TMEM141: variants seen among roughly 807,000 people sequenced by gnomAD.
TMEM141 encodes transmembrane protein 141.
In TMEM141, 18 loss-of-function variants were observed where a neutral mutation model predicts 15.9. The ratio of observed to expected loss-of-function variants is 1.13; its 90% CI spans 0.78 to 1.68. TMEM141 has a LOEUF of 1.68. Ranked by LOEUF, TMEM141 falls within the 40% of genes most tolerant of loss-of-function variation. The pLI, the probability that TMEM141 is intolerant of heterozygous loss-of-function variation, is 0.00. For synonymous variants in TMEM141, 69 were observed against 54.0 expected, an observed-to-expected ratio of 1.28 and a Z score of -1.22; for missense variants, 161 against 139.5, an observed-to-expected ratio of 1.15 and a Z score of -0.78.
At chr9:136,792,072 G>A (rs1236108857) in intron 3 of TMEM141, 42 bp downstream of exon 3, 1 of 1,610,212 alleles carries the variant, frequency 6.2e-7, no homozygotes, top group Admixed American at 1.7e-5. Context: ...TTGAGGGGTG[G>A]GTTTCTGCTA....
intron 4 of TMEM141, 63 bp downstream of exon 4, chr9:136,792,421 C>A: frequency 7.2e-7 from 1 of 1,397,582 alleles, no homozygotes; most frequent in Non-Finnish European, 9.9e-7. Context: ...GAGTTTTGGG[C>A]AGCCAAGCCT....
chr9:136,791,729 G>T lies in TMEM141; in HGVS notation c.73G>T (p.Ala25Ser), dbSNP rs1396611987. ...ACCCCAGGGACTCGGGGAGTATGCCGCATGCCAGTCACACGCCTTCATGAA... is the reference window on the plus strand; with the variant it reads ...ACCCCAGGGACTCGGGGAGTATGCCTCATGCCAGTCACACGCCTTCATGAA... Reference protein sequence around the residue: ...AKHPGLGEYAACQSHAFMKGV... With the variant: ...AKHPGLGEYASCQSHAFMKGV... The change falls in exon 2 of 5, where the codon GCA (alanine) becomes TCA (serine). Residue 25 changes from alanine to serine, a missense_variant. By Grantham distance (99) the Ala-to-Ser change is moderately conservative (BLOSUM62 1). Coordinates refer to ENST00000290079, the MANE Select transcript of TMEM141 (RefSeq NM_032928.4). 10 of 1,613,192 alleles carry T rather than the reference G, an allele frequency of 6.2e-6. No individual in the cohort carries two copies. Among genetic ancestry groups the T allele is most frequent in the African/African-American group, 2.7e-5 (2 of 74,914 alleles).
At chr9:136,791,482 CG>C (rs1380307251) in intron 1 of TMEM141, 58 bp downstream of exon 1, 1 of 1,547,746 alleles carries the variant, frequency 6.5e-7, no homozygotes, top group South Asian at 1.2e-5. Flanking sequence ...CTGAGCGAGG[CG>C]GGGGGCCGGG....
rs1847595636 is a variant in TMEM141 at position 136,792,001 on chromosome 9, C to T, written c.176C>T (p.Pro59Leu). 1.2e-6 allele frequency: 2 copies of T among 1,613,974 alleles called. No individual in the cohort carries two copies. The highest frequency in any genetic ancestry group is 2.2e-5 in the East Asian group (1 of 44,894). The change falls in exon 3 of 5, where the codon CCT becomes CTT. Residue 59 changes from proline (P) to leucine (L), a missense_variant. Physicochemically the swap from Pro to Leu is moderately conservative, Grantham distance 98. Coordinates refer to ENST00000290079, the MANE Select transcript of TMEM141 (RefSeq NM_032928.4). ...QMFIQRKFPY[P>L]LQWSLLVAVV... ...TTCATTCAGAGGAAGTTTCCATACCCTTTGCAGTGGAGCCTCCTAGTGGCC... is the reference window on the plus strand; with the variant it reads ...TTCATTCAGAGGAAGTTTCCATACCTTTTGCAGTGGAGCCTCCTAGTGGCC...
Position 136,793,147 on chromosome 9 carries a change from G to C in TMEM141, c.*315G>C. The C allele has an allele frequency of 4.5e-6, 1 of 221,900 alleles. No homozygotes were observed. The highest frequency in any genetic ancestry group is 8.8e-6 in the Non-Finnish European group (1 of 113,022). 13.7% of individuals were successfully genotyped at this position (221,900 alleles called of 1,614,324 possible). On this transcript the variant is annotated 3_prime_UTR_variant, in exon 5 of 5. Coordinates refer to ENST00000290079, the MANE Select transcript of TMEM141 (RefSeq NM_032928.4). ...ACCACCTATGGGACACGGGGTCGAAGGGGCCTGTACACTCTGTCATTTCCT... is the reference window on the plus strand; with the variant it reads ...ACCACCTATGGGACACGGGGTCGAACGGGCCTGTACACTCTGTCATTTCCT...
In TMEM141 at chr9:136,791,793, G is replaced by C; in HGVS notation, c.121+16G>C. 6.2e-7 allele frequency: 1 copy of C among 1,612,370 alleles called. No homozygotes were observed. Among genetic ancestry groups the C allele is most frequent in the Non-Finnish European group, 8.5e-7 (1 of 1,179,380 alleles). On this transcript the variant is annotated intron_variant, in intron 2 of 4. Transcript: ENST00000290079. ...TTCGTCACAGGTAGGCTGCGTCCAG[G>C]TGTCCTGCGGCTGGGAGAGAACGCA... is the stretch of plus-strand genomic sequence containing the variant.
intron 1 of TMEM141, 76 bp from the exon 2 acceptor site, chr9:136,791,635 G>T: frequency 1.3e-6 from 2 of 1,592,158 alleles, no homozygotes; most frequent in Admixed American, 3.4e-5. Flanking sequence ...GCCAGGGTGT[G>T]CCCAGAGGAG....
chr9:136,791,420 A>G lies in TMEM141; in HGVS notation c.50A>G (p.His17Arg). 6.4e-7 allele frequency: 1 copy of G among 1,557,650 alleles called. No homozygotes were observed. Among genetic ancestry groups the G allele is most frequent in the Non-Finnish European group, 8.7e-7 (1 of 1,151,068 alleles). Residue 17 changes from histidine (H) to arginine (R), a missense_variant, in exon 1 of 5, where the codon CAC (histidine) becomes CGC (arginine). By Grantham distance (29) the His-to-Arg change is conservative. Coordinates refer to ENST00000290079, the MANE Select transcript of TMEM141 (RefSeq NM_032928.4). ...SRVDDAVAAK[H>R]PGLGEYAACQ... ...GTGGACGACGCCGTGGCTGCCAAGC[A>G]CCCGGTGAGAAGGCCGGTCTGGGAC...
At chr9:136,791,530 G>A in intron 1 of TMEM141, 106 bp downstream of exon 1, 1 of 1,546,068 alleles carries the variant, frequency 6.5e-7, no homozygotes, top group South Asian at 1.2e-5. Flanking sequence ...AGTGGCGGAG[G>A]CTGGGGGCAC....
At chr9:136,791,824 C>T (rs1262096518) in intron 2 of TMEM141, 47 bp downstream of exon 2, 3 of 1,608,142 alleles carry the variant, frequency 1.9e-6, no homozygotes, top group South Asian at 2.2e-5. Flanking sequence ...ACGCACCCTC[C>T]CGCCCTGCCC....
At position 136,793,176 on chromosome 9, in the gene TMEM141, T is replaced by G; in HGVS notation, c.*344T>G. 1.1e-5 allele frequency: 2 copies of G among 183,644 alleles called. No homozygotes were observed. Among genetic ancestry groups the G allele is most frequent in the East Asian group, 1.2e-4 (1 of 8,148 alleles). The allele number at this position is 183,644 out of a possible 1,614,324, so 11.4% of individuals were successfully genotyped here. ...CCTGTACACTCTGTCATTTCCTTTCTAGCCCCTGCATCTCCAACAAGTCCA... is the reference window on the plus strand; with the variant it reads ...CCTGTACACTCTGTCATTTCCTTTCGAGCCCCTGCATCTCCAACAAGTCCA... On this transcript the variant is annotated 3_prime_UTR_variant, in exon 5 of 5. Transcript: ENST00000290079.
In TMEM141 at chr9:136,791,392, C is replaced by T; in HGVS notation, c.22C>T (p.Arg8Trp). Residue 8 changes from arginine (R) to tryptophan (W), a missense_variant, in exon 1 of 5, where the codon CGG becomes TGG. By Grantham distance (101) the Arg-to-Trp change is moderately radical. Transcript: ENST00000290079. ...AACCATGGTGAACTTGGGTCTGTCC[C>T]GGGTGGACGACGCCGTGGCTGCCAA... MVNLGLS[R>W]VDDAVAAKHP... is the part of the protein sequence containing the mutation. 1.3e-6 allele frequency: 2 copies of T among 1,560,910 alleles called. No homozygotes were observed. The highest frequency in any genetic ancestry group is 2.4e-5 in the East Asian group (1 of 41,508).
At position 136,792,274 on chromosome 9, in the gene TMEM141, G is replaced by C. The variant is rs770424021; in HGVS notation, c.229G>C (p.Gly77Arg). Residue 77 changes from glycine to arginine, a missense_variant, in exon 4 of 5, where the codon GGG becomes CGG. Transcript: ENST00000290079. ...AGTTGCAGGCTCTGTGGTCAGCTAC[G>C]GGGTGACGAGAGTGGAGTCGGAGAA... The part of the protein sequence containing the change: ...AVVAGSVVSY[G>R]VTRVESEKCN... 3.2e-6 allele frequency: 5 copies of C among 1,586,960 alleles called. No individual in the cohort carries two copies. The East Asian group carries it at 9.2e-5, about 29-fold the overall frequency.
chr9:136,792,767 T>G (rs1226555841), intron 4 of TMEM141, 52 bp from the exon 5 acceptor site: 1 of 1,421,036 alleles, frequency 7.0e-7, no homozygotes, highest in Non-Finnish European at 9.6e-7. Context: ...GGCACAGGGA[T>G]GCCCAGCCAC....
intron 1 of TMEM141, 77 bp downstream of exon 1, chr9:136,791,501 G>A: frequency 1.9e-6 from 3 of 1,547,300 alleles, no homozygotes; most frequent in Non-Finnish European, 2.6e-6. Context: ...GGGGCGTGGG[G>A]GTGCCCTCGT....
At chr9:136,792,611 G>T (rs1847602362) in intron 4 of TMEM141, among the ~76,000 whole-genome samples, 1 of 152,236 alleles carries the variant, frequency 6.6e-6, no homozygotes, top group South Asian at 2.1e-4. Context: ...GAAGGGTGCA[G>T]AGTGAAGGGT....
intron 4 of TMEM141, 128 bp downstream of exon 4, chr9:136,792,486 A>C: frequency 1.3e-6 from 1 of 760,400 alleles, no homozygotes; most frequent in Non-Finnish European, 2.2e-6. Flanking sequence ...CGGCCTCCTC[A>C]GCATGTGACT....
chr9:136,791,567 C>T, intron 1 of TMEM141, 143 bp downstream of exon 1: 1 of 1,564,152 alleles, frequency 6.4e-7, no homozygotes, highest in Non-Finnish European at 8.7e-7. Flanking sequence ...TCAGGGCGTC[C>T]GGGTGGGCAT....
chr9:136,791,857 A>G, intron 2 of TMEM141, 80 bp downstream of exon 2: 1 of 1,608,434 alleles, frequency 6.2e-7, no homozygotes. Flanking sequence ...AGGGGGCGCC[A>G]AGTCACCTGC....
Sources: allele counts gnomAD v4.1 joint callset (sites outside exome capture counted in the v4.1 genomes callset), GRCh38; gene constraint gnomAD v4.1.1; transcripts MANE v1.5; gene names NCBI Gene and HGNC (gene_info 2026-07-23, HGNC 2026-07-21).